Variants in MAP9 observed in about 807,000 individuals in gnomAD.
MAP9 encodes microtubule-associated protein 9.
Under a neutral mutation model 75.2 loss-of-function variants are expected in MAP9, and 80 were observed. The observed-to-expected ratio is 1.06, with a 90% CI of 0.89 to 1.28. The LOEUF (loss-of-function observed/expected upper bound fraction) is 1.28, where lower values mean the gene tolerates loss of function less well. Ranked by LOEUF, MAP9 falls within the 50% of genes most tolerant of loss-of-function variation. MAP9 has a pLI of 0.00. For missense variants in MAP9, 753 were observed against 719.9 expected (o/e 1.05, Z -0.53); for synonymous variants, 235 against 237.3 (o/e 0.99, Z 0.09).
At chr4:155,348,244 G>GT (rs200286128) in intron 13 of MAP9, among the ~76,000 whole-genome samples, 1 of 151,926 alleles carries the variant, frequency 6.6e-6, no homozygotes, top group Non-Finnish European at 1.5e-5. Flanking sequence ...GGCTGAGATG[G>GT]GAGGATTGCT....
rs142840768 is a variant in MAP9, at chr4:155,352,930, A to G, written c.1670T>C (p.Leu557Ser). Residue 557 changes from leucine to serine, a missense_variant, in exon 12 of 14, where the codon TTA becomes TCA. Physicochemically the swap from Leu to Ser is moderately radical, Grantham distance 145. Transcript: ENST00000311277. ...GGATTACCATTTCTCAACAGCAGTT[A>G]AATTATCTTTCTTTTTCTCGGCAAC... The part of the protein sequence containing the change: ...ETVAEKKKDN[L>S]TAVEKWNEKK... 3.3e-6 allele frequency: 5 copies of G among 1,535,460 alleles called. No homozygotes were observed. In the African/African-American group the frequency reaches 6.9e-5, roughly 21 times the overall value.
At position 155,347,643 on chromosome 4, in the gene MAP9, G is replaced by A. The variant is rs1274491282; in HGVS notation, c.*140C>T. On this transcript the variant is annotated 3_prime_UTR_variant, in exon 14 of 14. Transcript: ENST00000311277. The stretch of plus-strand genomic sequence containing the variant: ...ATGCTTTCACTGATTACATTCCAAA[G>A]TATTTCTTTCATTGTCAGCAGGAGT... 4.9e-6 allele frequency: 4 copies of A among 818,214 alleles called. No individual in the cohort carries two copies. The highest frequency in any genetic ancestry group is 7.2e-6 in the Non-Finnish European group (4 of 558,362). The allele number at this position is 818,214 out of a possible 1,614,324, so 50.7% of individuals were successfully genotyped here.
chr4:155,368,760 T>C lies in MAP9; in HGVS notation c.534A>G (p.Pro178=), dbSNP rs2111268517. 3 of 1,614,000 alleles carry C rather than the reference T, an allele frequency of 1.9e-6. No homozygotes were observed. The South Asian group carries it at 3.3e-5, about 18-fold the overall frequency. ...GACTTTTCTTTTTCAACATACTCCT[T>C]GGCCGAGGTGATGGTTTAAAGTGAT... ...TDDHFKPSPR[P]RSMLKKKSHM... Residue 178 remains proline (P), a synonymous_variant, in exon 5 of 14, where the codon CCA becomes CCG. Transcript: ENST00000311277.
intron 13 of MAP9, among the ~76,000 whole-genome samples, chr4:155,348,529 G>A (rs1731369208): frequency 6.6e-6 from 1 of 152,110 alleles, no homozygotes. Flanking sequence ...GTGACTTCGT[G>A]AGAACAAATT....
At chr4:155,364,385 A>C (rs988785273) in intron 5 of MAP9, among the ~76,000 whole-genome samples, 2 of 151,040 alleles carry the variant, frequency 1.3e-5, no homozygotes, top group Non-Finnish European at 3.0e-5. Flanking sequence ...CTGAATCTAC[A>C]GGAAGAAATG....
chr4:155,356,092 C>G (rs1280203337), intron 8 of MAP9, among the ~76,000 whole-genome samples: 1 of 152,072 alleles, frequency 6.6e-6, no homozygotes, highest in Non-Finnish European at 1.5e-5. Context: ...CATGGTGAAA[C>G]CCTGTCTCTA....
Position 155,347,720 on chromosome 4 carries a change from T to C in MAP9, c.*63A>G. On this transcript the variant is annotated 3_prime_UTR_variant, in exon 14 of 14. Coordinates refer to ENST00000311277, the MANE Select transcript of MAP9 (RefSeq NM_001039580.2). ...CTCTAACTATAAATAATTGAATGGT[T>C]TTAAATCTATGGCTAATATTGGCAA... 1.4e-6 allele frequency: 2 copies of C among 1,468,282 alleles called. No individual in the cohort carries two copies. Among genetic ancestry groups the C allele is most frequent in the Admixed American group, 2.1e-5 (1 of 47,344 alleles). 91.0% of individuals were successfully genotyped at this position (1,468,282 alleles called of 1,614,324 possible).
chr4:155,347,920 G>A lies in MAP9; in HGVS notation c.1822-15C>T. ...TCCTTATTTTCCTAAAGAGAAAATA[G>A]AACACTATAAATTTATGTACATATA... is the stretch of plus-strand genomic sequence containing the variant. On this transcript the variant is annotated splice_polypyrimidine_tract_variant and intron_variant, in intron 13 of 13. Transcript: ENST00000311277. 2.1e-6 allele frequency: 3 copies of A among 1,400,988 alleles called. No homozygotes were observed. Among genetic ancestry groups the A allele is most frequent in the Non-Finnish European group, 3.0e-6 (3 of 1,010,900 alleles). 86.8% of individuals were successfully genotyped at this position (1,400,988 alleles called of 1,614,324 possible).
Position 155,344,250 on chromosome 4 carries a change from TAAA to T in MAP9, c.*3530_*3532del. 1 of 151,972 alleles carries T rather than the reference TAAA, an allele frequency of 6.6e-6. No homozygotes were observed. The highest frequency in any genetic ancestry group is 1.9e-4 in the East Asian group (1 of 5,176). 9.4% of individuals were successfully genotyped at this position (151,972 alleles called of 1,614,324 possible). A position where few individuals can be genotyped will look rare whatever the true frequency, so the allele number is the denominator to read the frequency against. On this transcript the variant is annotated 3_prime_UTR_variant, in exon 14 of 14. Transcript: ENST00000311277. ...AGGCAGCAGTGGAGGAGTAAGGAGA[TAAA>T]TAAGAGGACATGAATCAACTAAATT... is the stretch of plus-strand genomic sequence containing the variant.
At chr4:155,357,600 C>A in intron 7 of MAP9, 81 bp from the exon 8 acceptor site, 2 of 788,042 alleles carry the variant, frequency 2.5e-6, no homozygotes, top group South Asian at 2.9e-5. Context: ...GCCAGTAAAT[C>A]ACTATTCTTT....
At chr4:155,368,492 G>A (rs761396574) in intron 5 of MAP9, 94 bp downstream of exon 5, 23 of 1,000,284 alleles carry the variant, frequency 2.3e-5, no homozygotes, top group Admixed American at 1.1e-4. Context: ...ACACACACAC[G>A]CACACAAATT....
In MAP9 at chr4:155,352,250, C is replaced by T. The variant is rs117370409; in HGVS notation, c.1821+346G>A. On this transcript the variant is annotated intron_variant, in intron 13 of 13. Coordinates refer to ENST00000311277, the MANE Select transcript of MAP9 (RefSeq NM_001039580.2). ...TTTTTGTCATGACCAAGTTCCACCACGTAGTACCCTCAATAGTAAACTTGT... is the reference window on the plus strand; with the variant it reads ...TTTTTGTCATGACCAAGTTCCACCATGTAGTACCCTCAATAGTAAACTTGT... 2.2e-4 allele frequency: 45 copies of T among 206,678 alleles called. No homozygotes were observed. The East Asian group carries it at 6.4e-3, about 30-fold the overall frequency. 12.8% of individuals were successfully genotyped at this position (206,678 alleles called of 1,614,324 possible). A position where few individuals can be genotyped will look rare whatever the true frequency, so the allele number is the denominator to read the frequency against.
Position 155,373,247 on chromosome 4 carries a change from T to C in MAP9, c.370A>G (p.Ile124Val), listed in dbSNP as rs750283461. The change falls in exon 4 of 14, where the codon ATT becomes GTT. Residue 124 changes from isoleucine to valine, a missense_variant. Coordinates refer to ENST00000311277, the MANE Select transcript of MAP9 (RefSeq NM_001039580.2). ...GATTCAGAGAAAGATTTTACAACAA[T>C]GTCTTCACACCCATCAGGTGCCATT... ...EEMAPDGCED[I>V]VVKSFSESQN... is the part of the protein sequence containing the mutation. The C allele has an allele frequency of 6.2e-6, 10 of 1,612,440 alleles. No homozygotes were observed. The East Asian group carries it at 1.1e-4, about 18-fold the overall frequency.
chr4:155,360,585 T>A, intron 6 of MAP9, 170 bp from the exon 7 acceptor site: 1 of 615,406 alleles, frequency 1.6e-6, no homozygotes, highest in Non-Finnish European at 2.6e-6. Flanking sequence ...CGAAAGTGAT[T>A]TACAAAAAAA....
At chr4:155,367,226 T>C (rs1165466127) in intron 5 of MAP9, 5 of 152,160 alleles carry the variant, frequency 3.3e-5, no homozygotes, top group Non-Finnish European at 7.3e-5. Context: ...CTAAATCCAA[T>C]GCCTGGTGTC....
chr4:155,368,957 T>C, intron 4 of MAP9, 145 bp from the exon 5 acceptor site: 2 of 639,042 alleles, frequency 3.1e-6, no homozygotes, highest in South Asian at 2.1e-5. Context: ...ACAACTCTTC[T>C]CTATACAGAG....
chr4:155,372,379 A>G (rs1489680189), intron 4 of MAP9, among the ~76,000 whole-genome samples: 1 of 152,232 alleles, frequency 6.6e-6, no homozygotes, highest in Non-Finnish European at 1.5e-5. Context: ...TGAAAAACAA[A>G]AAATCCTTAA....
rs1051067672 is a variant in MAP9, at chr4:155,346,775, C to T, written c.*1008G>A. 2.0e-5 allele frequency: 3 copies of T among 152,604 alleles called. No individual in the cohort carries two copies. The highest frequency in any genetic ancestry group is 2.0e-4 in the Admixed American group (3 of 15,268). The allele number at this position is 152,604 out of a possible 1,614,324, so 9.5% of individuals were successfully genotyped here. A position where few individuals can be genotyped will look rare whatever the true frequency, so the allele number is the denominator to read the frequency against. The stretch of plus-strand genomic sequence containing the variant: ...AATGCATTTCAGCTCCGTGAGCATA[C>T]ACTTGGTCTGTCTTAAACCAGATGA... On this transcript the variant is annotated 3_prime_UTR_variant, in exon 14 of 14. Coordinates refer to ENST00000311277, the MANE Select transcript of MAP9 (RefSeq NM_001039580.2).
At chr4:155,368,220 C>A in intron 5 of MAP9, 1 of 345,012 alleles carries the variant, frequency 2.9e-6, no homozygotes, top group Non-Finnish European at 5.2e-6. Context: ...TTCAAAGATA[C>A]ATAAATTTAA....
Sources: gnomAD v4.1 joint callset for allele counts (sites outside exome capture counted in the v4.1 genomes callset) on GRCh38, gnomAD v4.1.1 for gene constraint, MANE v1.5 for transcripts, NCBI Gene and HGNC (gene_info 2026-07-23, HGNC 2026-07-21) for gene names.